The following CFAP77 variants were observed in gnomAD, a reference collection of about 807,000 sequenced individuals.
The protein encoded by CFAP77 is cilia and flagella associated protein 77.
A neutral mutation model predicts 31.1 loss-of-function variants in CFAP77; 25 were observed. The observed-to-expected ratio is 0.80, with a 90% CI of 0.59 to 1.12. The LOEUF is 1.12. Among genes scored for constraint, CFAP77 ranks in the 50% most tolerant of loss-of-function variants. CFAP77 has a pLI of 0.00. For missense variants in CFAP77, 377 were observed against 397.3 expected (o/e 0.95, Z 0.44); for synonymous variants, 151 against 159.9 (o/e 0.94, Z 0.42).
At chr9:132,418,950 G>A (rs1356484600) in intron 1 of CFAP77, among the ~76,000 whole-genome samples, 1 of 152,158 alleles carries the variant, frequency 6.6e-6, no homozygotes, top group Non-Finnish European at 1.5e-5. Context: ...TCTCATTGTG[G>A]CACTAAATAC....
At chr9:132,456,301 A>T (rs894746902) in intron 1 of CFAP77, among the ~76,000 whole-genome samples, 1 of 152,096 alleles carries the variant, frequency 6.6e-6, no homozygotes, top group African/African-American at 2.4e-5. Context: ...CCCCATCTTG[A>T]CATCTGCTGC....
chr9:132,445,188 G>A (rs1008972229), intron 1 of CFAP77, among the ~76,000 whole-genome samples: 1 of 151,962 alleles, frequency 6.6e-6, no homozygotes, highest in African/African-American at 2.4e-5. Context: ...TGGCCAGGCT[G>A]GTCTCAAACT....
rs550737979 is a variant in CFAP77, at chr9:132,508,446, A to G, written c.524+8846A>G. On this transcript the variant is annotated intron_variant, in intron 3 of 5. Transcript: ENST00000393216. Reference sequence around the variant, plus strand: ...CGTCTAGAAGGGAGCCGTCAGGATGATGGGCGGGAGAGGGGGAGGGTGTCT... The same window carrying G: ...CGTCTAGAAGGGAGCCGTCAGGATGGTGGGCGGGAGAGGGGGAGGGTGTCT... Among the ~76,000 whole-genome samples the G allele has an allele frequency of 3.9e-4, 59 of 152,254 alleles. No individual in the cohort carries two copies. The South Asian group carries it at 5.0e-3, about 13-fold the overall frequency.
intron 3 of CFAP77, among the ~76,000 whole-genome samples, chr9:132,533,332 G>A (rs977181320): frequency 1.3e-5 from 2 of 152,278 alleles, no homozygotes; most frequent in Non-Finnish European, 2.9e-5. Flanking sequence ...CCCTGTGTAC[G>A]AGTGTCCTGT....
At chr9:132,485,747 C>T (rs960701587) in intron 1 of CFAP77, among the ~76,000 whole-genome samples, 3 of 151,998 alleles carry the variant, frequency 2.0e-5, no homozygotes, top group South Asian at 2.1e-4. Context: ...TTCATCCCTC[C>T]GTTCCTTCAG....
Position 132,455,104 on chromosome 9 carries a change from C to G in CFAP77, c.196-43591C>G, listed in dbSNP as rs507998. Among the ~76,000 whole-genome samples the G allele has an allele frequency of 0.056, 8,559 of 152,196 alleles. 787 individuals carry two copies. Among genetic ancestry groups the G allele is most frequent in the African/African-American group, 0.19 (7,859 of 41,504 alleles). ...GATATCTTGTGAAGTTTGTTCTACT[C>G]GCAGATCCTAGCTGGCCCTTTCCTA... On this transcript the variant is annotated intron_variant, in intron 1 of 5. Coordinates refer to ENST00000393216, the MANE Select transcript of CFAP77 (RefSeq NM_001282957.2). The surrounding 1 kb of genome is among the most constrained non-coding windows in gnomAD (Gnocchi z 4.1).
chr9:132,486,567 AT>A (rs1327927796), intron 1 of CFAP77, among the ~76,000 whole-genome samples: 7 of 152,182 alleles, frequency 4.6e-5, no homozygotes, highest in Non-Finnish European at 1.0e-4. Context: ...CTTTAAAAAA[AT>A]ATATCCAATC....
At chr9:132,530,424 C>T (rs1039911807) in intron 3 of CFAP77, among the ~76,000 whole-genome samples, 1 of 151,990 alleles carries the variant, frequency 6.6e-6, no homozygotes, top group African/African-American at 2.4e-5. Context: ...TACAAGCACC[C>T]GCCACCATGC....
Position 132,447,469 on chromosome 9 carries a change from T to G in CFAP77, c.195+37003T>G, listed in dbSNP as rs929302659. 2.0e-5 allele frequency among the ~76,000 whole-genome samples: 3 copies of G among 152,230 alleles called. No homozygotes were observed. In the South Asian group the frequency reaches 6.2e-4, roughly 31 times the overall value. ...CTAGTGTAAGGTGGCCTGCCCTGAC[T>G]AGGCTGCCTGGGGTCTTGTCTTCAC... On this transcript the variant is annotated intron_variant, in intron 1 of 5. Coordinates refer to ENST00000393216, the MANE Select transcript of CFAP77 (RefSeq NM_001282957.2).
chr9:132,548,447 G>A (rs1230903359), intron 5 of CFAP77, among the ~76,000 whole-genome samples: 2 of 152,016 alleles, frequency 1.3e-5, no homozygotes, highest in Non-Finnish European at 2.9e-5. Context: ...CCCAGTGTTC[G>A]ACCTCCAGCT....
intron 3 of CFAP77, among the ~76,000 whole-genome samples, chr9:132,506,873 G>A (rs755528533): frequency 6.6e-6 from 1 of 152,184 alleles, no homozygotes; most frequent in Non-Finnish European, 1.5e-5. Context: ...TGTGCAGTGC[G>A]AGGAGGATTA....
chr9:132,463,886 C>G (rs1851105427), intron 1 of CFAP77, among the ~76,000 whole-genome samples: 1 of 152,180 alleles, frequency 6.6e-6, no homozygotes. Context: ...CTGGAAGGGC[C>G]CTGAACTCGG....
intron 1 of CFAP77, among the ~76,000 whole-genome samples, chr9:132,446,456 C>T (rs1364002442): frequency 2.0e-5 from 3 of 151,950 alleles, no homozygotes; most frequent in Non-Finnish European, 4.4e-5. Context: ...ATATGGCTCT[C>T]AAGGTCGGGC....
In CFAP77 at chr9:132,499,593, C is replaced by A; in HGVS notation, c.517C>A (p.Arg173=). The A allele has an allele frequency of 6.2e-7, 1 of 1,614,132 alleles. No individual in the cohort carries two copies. The highest frequency in any genetic ancestry group is 8.5e-7 in the Non-Finnish European group (1 of 1,179,984). ...PLPPNMTFGI[R]ARPSTPFFDL... Reference sequence around the variant, plus strand: ...CCCTCCAAACATGACATTTGGGATCCGGGCACGGTAAGGTGGCTGGCAGCC... The same window carrying A: ...CCCTCCAAACATGACATTTGGGATCAGGGCACGGTAAGGTGGCTGGCAGCC... The change falls in exon 3 of 6, where the codon CGG becomes AGG. Residue 173 remains arginine (R), a synonymous_variant. Coordinates refer to ENST00000393216, the MANE Select transcript of CFAP77 (RefSeq NM_001282957.2). The surrounding 1 kb of genome is among the most constrained non-coding windows in gnomAD (Gnocchi z 5.4).
intron 5 of CFAP77, among the ~76,000 whole-genome samples, chr9:132,567,612 A>G (rs1829900418): frequency 6.6e-6 from 1 of 152,152 alleles, no homozygotes; most frequent in Non-Finnish European, 1.5e-5. Flanking sequence ...GGGCTGTATT[A>G]GCTTCTAGAG....
At chr9:132,519,752 GTGGA>G (rs1489025300) in intron 3 of CFAP77, among the ~76,000 whole-genome samples, 2 of 127,092 alleles carry the variant, frequency 1.6e-5, no homozygotes, top group African/African-American at 3.0e-5. Context: ...GGATGGATGG[GTGGA>G]TGGATGGATG....
chr9:132,449,276 C>T (rs1850779962), intron 1 of CFAP77, among the ~76,000 whole-genome samples: 2 of 77,886 alleles, frequency 2.6e-5, no homozygotes, highest in South Asian at 7.8e-4. Flanking sequence ...TGCACTCACC[C>T]TCCTCTCCTA....
chr9:132,489,527 A>G (rs1851618694), intron 1 of CFAP77, among the ~76,000 whole-genome samples: 1 of 152,338 alleles, frequency 6.6e-6, no homozygotes, highest in Admixed American at 6.5e-5. Context: ...CTCTCAGCAC[A>G]TGCTCAGCAC....
In CFAP77 at chr9:132,511,009, C is replaced by T. The variant is rs1339649274; in HGVS notation, c.524+11409C>T. On this transcript the variant is annotated intron_variant, in intron 3 of 5. Coordinates refer to ENST00000393216, the MANE Select transcript of CFAP77 (RefSeq NM_001282957.2). This position sits in a 1 kb window ranked among gnomAD's most constrained non-coding sequence, Gnocchi z 5.8. ...GTCACGCTGGGATCTGATCTCAGAA[C>T]CCACATTCGTTACCTCCGGCCTATG... is the stretch of plus-strand genomic sequence containing the variant. Among the ~76,000 whole-genome samples the T allele has an allele frequency of 1.3e-5, 2 of 152,130 alleles. No individual in the cohort carries two copies. Among genetic ancestry groups the T allele is most frequent in the Non-Finnish European group, 2.9e-5 (2 of 68,026 alleles).
Sources: gnomAD v4.1 joint callset for allele counts (sites outside exome capture counted in the v4.1 genomes callset) on GRCh38, gnomAD v4.1.1 for gene constraint, Gnocchi (gnomAD v3.1) non-coding constraint, MANE v1.5 for transcripts, NCBI Gene and HGNC (gene_info 2026-07-23, HGNC 2026-07-21) for gene names.